SPRED1: variants seen among roughly 807,000 people sequenced by gnomAD.
The protein encoded by SPRED1 is sprouty related EVH1 domain containing 1.
A neutral mutation model predicts 52.3 loss-of-function variants in SPRED1; 18 were observed. That is an observed-to-expected ratio of 0.34 (90% CI 0.24 to 0.51). SPRED1 has a LOEUF of 0.51. Ranked by LOEUF, SPRED1 falls within the 20% of genes least tolerant of loss-of-function variation. SPRED1 has a pLI of 0.97. For missense variants in SPRED1, 485 were observed against 551.0 expected (o/e 0.88, Z 1.20); for synonymous variants, 155 against 179.7 (o/e 0.86, Z 1.10).
rs573406455 is a variant in SPRED1, at chr15:38,304,196, C to G, written c.207+4649C>G. On this transcript the variant is annotated intron_variant, in intron 2 of 6. Transcript: ENST00000299084. ...TCACCCCTTTCTATCATGGGGGAAT[C>G]TTGAAAGACCAGGGAAACATCTTTC... is the stretch of plus-strand genomic sequence containing the variant. Among the ~76,000 whole-genome samples the G allele has an allele frequency of 7.2e-5, 11 of 152,250 alleles. No individual in the cohort carries two copies. In the South Asian group the frequency reaches 1.9e-3, roughly 26 times the overall value.
At chr15:38,253,312 T>C (rs1894022451) in intron 1 of SPRED1, 95 bp downstream of exon 1, 1 of 1,262,404 alleles carries the variant, frequency 7.9e-7, no homozygotes, top group Admixed American at 2.0e-5. Flanking sequence ...GCCGGAAAGC[T>C]TGCGACCCTG....
chr15:38,304,725 T>A (rs1293560251), intron 2 of SPRED1, among the ~76,000 whole-genome samples: 1 of 152,208 alleles, frequency 6.6e-6, no homozygotes, highest in Non-Finnish European at 1.5e-5. Context: ...TGGATCTCGT[T>A]GTTACCCAGA....
At chr15:38,318,546 A>G (rs1451106746) in intron 2 of SPRED1, among the ~76,000 whole-genome samples, 2 of 152,084 alleles carry the variant, frequency 1.3e-5, no homozygotes, top group South Asian at 2.1e-4. Flanking sequence ...GGATTTTGAC[A>G]CCCATGTACT....
chr15:38,305,574 C>G (rs541034370), intron 2 of SPRED1, among the ~76,000 whole-genome samples: 1 of 151,784 alleles, frequency 6.6e-6, no homozygotes, highest in African/African-American at 2.4e-5. Flanking sequence ...GGGGAAAAAA[C>G]GTAGGAAAAG....
At chr15:38,313,988 G>C (rs1225678790) in intron 2 of SPRED1, among the ~76,000 whole-genome samples, 1 of 151,700 alleles carries the variant, frequency 6.6e-6, no homozygotes, top group Non-Finnish European at 1.5e-5. Context: ...TTTAGAAGCA[G>C]GTGTAATTTC....
intron 1 of SPRED1, among the ~76,000 whole-genome samples, chr15:38,259,863 A>G (rs1251486236): frequency 6.6e-6 from 1 of 152,338 alleles, no homozygotes; most frequent in Admixed American, 6.5e-5. Flanking sequence ...AAATTATTAC[A>G]TATCTGTGAG....
intron 5 of SPRED1, among the ~76,000 whole-genome samples, chr15:38,343,404 G>A (rs1365507631): frequency 6.6e-6 from 1 of 152,092 alleles, no homozygotes; most frequent in Non-Finnish European, 1.5e-5. Context: ...ATAGAGAAAG[G>A]CACAACGGAG....
chr15:38,303,025 C>A lies in SPRED1; in HGVS notation c.207+3478C>A, dbSNP rs549300295. On this transcript the variant is annotated intron_variant, in intron 2 of 6. Transcript: ENST00000299084. ...AAAAATACAAAACAAACAACAACAACAAAAAATAATTAGCCAGGCGTGGTG... is the reference window on the plus strand; with the variant it reads ...AAAAATACAAAACAAACAACAACAAAAAAAAATAATTAGCCAGGCGTGGTG... Among the ~76,000 whole-genome samples, 7 of 151,812 alleles carry A rather than the reference C, an allele frequency of 4.6e-5. No homozygotes were observed. The South Asian group carries it at 6.3e-4, about 14-fold the overall frequency.
chr15:38,348,426 G>C (rs577095277), intron 5 of SPRED1, among the ~76,000 whole-genome samples: 10 of 151,906 alleles, frequency 6.6e-5, no homozygotes, highest in Non-Finnish European at 1.0e-4. Context: ...CTGTGTGTGT[G>C]TGTGTGTGTG....
intron 1 of SPRED1, among the ~76,000 whole-genome samples, chr15:38,274,802 GA>G (rs1894512813): frequency 6.6e-6 from 1 of 152,130 alleles, no homozygotes; most frequent in Non-Finnish European, 1.5e-5. Flanking sequence ...TACTGGCCAG[GA>G]ATTTTGTAGA....
At chr15:38,294,417 A>G (rs1047202990) in intron 1 of SPRED1, among the ~76,000 whole-genome samples, 1 of 152,138 alleles carries the variant, frequency 6.6e-6, no homozygotes, top group Non-Finnish European at 1.5e-5. Flanking sequence ...TTTCTCCTGT[A>G]TATATATTAC....
At position 38,278,771 on chromosome 15, in the gene SPRED1, GAAAA is replaced by G. The variant is rs532436942; in HGVS notation, c.33-20597_33-20594del. On this transcript the variant is annotated intron_variant, in intron 1 of 6. Transcript: ENST00000299084. ...GCATTTCTAAAGGAAGAATGACAAA[GAAAA>G]AAAAGTCTGTACATGTTCAGTACAA... is the stretch of plus-strand genomic sequence containing the variant. Among the ~76,000 whole-genome samples the G allele has an allele frequency of 2.6e-5, 3 of 117,428 alleles. No individual in the cohort carries two copies. The South Asian group carries it at 8.3e-4, about 32-fold the overall frequency. 77.0% of individuals were successfully genotyped at this position (117,428 alleles called of 152,430 possible).
chr15:38,344,308 AT>A (rs1896087110), intron 5 of SPRED1, among the ~76,000 whole-genome samples: 1 of 152,178 alleles, frequency 6.6e-6, no homozygotes, highest in African/African-American at 2.4e-5. Flanking sequence ...GGATGTTATG[AT>A]ATACCAGTAT....
chr15:38,323,126 G>A lies in SPRED1; in HGVS notation c.376+717G>A, dbSNP rs571521231. 2.6e-5 allele frequency among the ~76,000 whole-genome samples: 4 copies of A among 152,088 alleles called. No individual in the cohort carries two copies. In the East Asian group the frequency reaches 5.8e-4, roughly 22 times the overall value. The stretch of plus-strand genomic sequence containing the variant: ...AACTTTCTATATAAAGTAACTGAAA[G>A]TGTGCTAGACTACGTTGTGATTTGT... On this transcript the variant is annotated intron_variant, in intron 3 of 6. Transcript: ENST00000299084.
intron 2 of SPRED1, among the ~76,000 whole-genome samples, chr15:38,302,852 G>A (rs975837372): frequency 2.6e-5 from 4 of 152,086 alleles, no homozygotes; most frequent in Admixed American, 2.0e-4. Context: ...TGGAATGATC[G>A]TTGTTAAGGA....
chr15:38,329,085 A>G (rs1407927239), intron 4 of SPRED1, among the ~76,000 whole-genome samples: 1 of 152,102 alleles, frequency 6.6e-6, no homozygotes, highest in East Asian at 1.9e-4. Context: ...TTAAGTGCTG[A>G]CAGAGTTGTC....
Position 38,252,955 on chromosome 15 carries a change from G to A in SPRED1, c.-231G>A. 1.7e-6 allele frequency: 1 copy of A among 595,042 alleles called. No individual in the cohort carries two copies. Among genetic ancestry groups the A allele is most frequent in the Non-Finnish European group, 3.0e-6 (1 of 335,154 alleles). The allele number at this position is 595,042 out of a possible 1,614,324, so 36.9% of individuals were successfully genotyped here. On this transcript the variant is annotated 5_prime_UTR_variant, in exon 1 of 7. Transcript: ENST00000299084. ...TTGGCTGGGCACTGAGGCGGGGGAA[G>A]AGGCTGGGGTCGCCACGGCGGAGGT...
chr15:38,278,828 G>GTTTGTTT (rs1894619968), intron 1 of SPRED1, among the ~76,000 whole-genome samples: 1 of 118,248 alleles, frequency 8.5e-6, no homozygotes, highest in Admixed American at 1.0e-4. Context: ...TAACTACACT[G>GTTTGTTT]TTTTTTTTTT....
intron 1 of SPRED1, among the ~76,000 whole-genome samples, chr15:38,266,869 G>T (rs1039975524): frequency 6.6e-6 from 1 of 151,936 alleles, no homozygotes; most frequent in Non-Finnish European, 1.5e-5. Context: ...GTTGTATATA[G>T]ACTCTACTGC....
Sources: gnomAD v4.1 joint callset for allele counts (sites outside exome capture counted in the v4.1 genomes callset) on GRCh38, gnomAD v4.1.1 for gene constraint, MANE v1.5 for transcripts, NCBI Gene and HGNC (gene_info 2026-07-23, HGNC 2026-07-21) for gene names.